Variants in CCDC6 observed in about 807,000 individuals in gnomAD.
CCDC6 encodes coiled-coil domain containing 6.
CCDC6 carries 20 observed loss-of-function variants against 56.6 expected under a neutral mutation model. The ratio of observed to expected loss-of-function variants is 0.35; its 90% confidence interval spans 0.25 to 0.51. The LOEUF (loss-of-function observed/expected upper bound fraction) is 0.51. Ranked by LOEUF, CCDC6 falls within the 20% of genes least tolerant of loss-of-function variation. The pLI is 0.95. For synonymous variants in CCDC6, 241 were observed against 234.4 expected (o/e 1.03, Z -0.26); for missense variants, 367 against 601.1 (o/e 0.61, Z 4.07).
intron 3 of CCDC6, among the ~76,000 whole-genome samples, chr10:59,827,278 C>A (rs1366690631): frequency 6.6e-6 from 1 of 152,112 alleles, no homozygotes; most frequent in South Asian, 2.1e-4. Context: ...ATTTTAATAA[C>A]AATGAAATAT....
intron 1 of CCDC6, among the ~76,000 whole-genome samples, chr10:59,887,615 C>T (rs2071392602): frequency 6.6e-6 from 1 of 151,936 alleles, no homozygotes; most frequent in Non-Finnish European, 1.5e-5. Context: ...GATGTCCTTC[C>T]TAGTCAAAAA....
chr10:59,819,545 G>A (rs1009331782), intron 3 of CCDC6, among the ~76,000 whole-genome samples: 3 of 152,020 alleles, frequency 2.0e-5, no homozygotes, highest in South Asian at 2.1e-4. Context: ...TAACAGTTCC[G>A]CCAATTAAAA....
rs533735562 is a variant in CCDC6, at chr10:59,804,693, G to GCTGTTTGACAAACCTCACTC, written c.1005-193_1005-174dup. 3.2e-5 allele frequency: 18 copies of GCTGTTTGACAAACCTCACTC among 559,628 alleles called. 1 individual carries two copies. The highest frequency in any genetic ancestry group is 2.7e-4 in the African/African-American group (14 of 52,796). 34.7% of individuals were successfully genotyped at this position (559,628 alleles called of 1,614,324 possible). ...ATGGACTCCTGAGTCACACCGCTCT[G>GCTGTTTGACAAACCTCACTC]CTGTTTGACAAACCTCACTCCAAGG... On this transcript the variant is annotated intron_variant, in intron 6 of 8. Transcript: ENST00000263102.
intron 1 of CCDC6, among the ~76,000 whole-genome samples, chr10:59,865,160 C>T (rs748532622): frequency 5.9e-5 from 9 of 152,184 alleles, no homozygotes; most frequent in Admixed American, 2.6e-4. Flanking sequence ...ACCTGACACC[C>T]GAGGTTTCCA....
Position 59,849,920 on chromosome 10 carries a change from G to A in CCDC6, c.453+2633C>T, listed in dbSNP as rs72809586. The stretch of plus-strand genomic sequence containing the variant: ...GTGGGCATTCAACAAAAGACTGGTT[G>A]AACCTATTAAGGAAATACATATTGG... On this transcript the variant is annotated intron_variant, in intron 2 of 8. Transcript: ENST00000263102. 6.4e-3 allele frequency among the ~76,000 whole-genome samples: 977 copies of A among 152,332 alleles called. 5 individuals carry two copies. Among genetic ancestry groups the A allele is most frequent in the Admixed American group, 0.011 (168 of 15,300 alleles).
intron 3 of CCDC6, among the ~76,000 whole-genome samples, chr10:59,829,047 C>G (rs772744850): frequency 1.7e-4 from 26 of 152,186 alleles, no homozygotes; most frequent in Non-Finnish European, 3.5e-4. Context: ...AGATTCAAGG[C>G]CTATGAAAAG....
At chr10:59,882,520 AGG>A (rs1250764801) in intron 1 of CCDC6, among the ~76,000 whole-genome samples, 237 of 4,490 alleles carry the variant, frequency 0.053, 10 homozygotes, top group Middle Eastern at 0.25. Flanking sequence ...AAGGAAAGCC[AGG>A]GGGAGAAGGA....
At chr10:59,876,295 C>T (rs951776341) in intron 1 of CCDC6, among the ~76,000 whole-genome samples, 15 of 151,868 alleles carry the variant, frequency 9.9e-5, no homozygotes, top group Non-Finnish European at 1.8e-4. Context: ...GCGATCCACC[C>T]GCCTTGGCCT....
chr10:59,874,085 T>C (rs1481644327), intron 1 of CCDC6, among the ~76,000 whole-genome samples: 1 of 150,504 alleles, frequency 6.6e-6, no homozygotes, highest in African/African-American at 2.5e-5. Flanking sequence ...GTCCGAAGCG[T>C]AGACATTCAT....
intron 1 of CCDC6, among the ~76,000 whole-genome samples, chr10:59,863,561 G>A (rs1270955181): frequency 6.6e-6 from 1 of 152,120 alleles, no homozygotes; most frequent in Admixed American, 6.5e-5. Flanking sequence ...GCAGGGAAGG[G>A]TGGGTGGTGG....
At position 59,906,299 on chromosome 10, in the gene CCDC6, GCCGCCGCCTCCCCCGCCGCCA is replaced by G; in HGVS notation, c.105_125del (p.Gly38_Gly44del). The G allele has an allele frequency of 2.5e-6, 4 of 1,602,788 alleles. No individual in the cohort carries two copies. Among genetic ancestry groups the G allele is most frequent in the South Asian group, 1.1e-5 (1 of 90,930 alleles). ...TGACAATGCCCCCCGACTTCCCACC[GCCGCCGCCTCCCCCGCCGCCA>G]CCGCCGCCGCCCGAGGTCGACGAGC... On this transcript the variant is annotated inframe_deletion, in exon 1 of 9. Transcript: ENST00000263102.
At chr10:59,812,909 T>A in intron 4 of CCDC6, 114 bp from the exon 5 acceptor site, 1 of 701,128 alleles carries the variant, frequency 1.4e-6, no homozygotes, top group Non-Finnish European at 2.4e-6. Flanking sequence ...CTGCCAGAAT[T>A]CACAGGGTTG....
At position 59,840,695 on chromosome 10, in the gene CCDC6, C is replaced by A. The variant is rs569433173; in HGVS notation, c.454-8042G>T. On this transcript the variant is annotated intron_variant, in intron 2 of 8. Transcript: ENST00000263102. ...ACTCCAAACATACTCCACTTGCTGT[C>A]TTTTCCATCTTAAATGATGGTAACT... Among the ~76,000 whole-genome samples the A allele has an allele frequency of 2.0e-5, 3 of 152,318 alleles. No homozygotes were observed. The South Asian group carries it at 6.2e-4, about 32-fold the overall frequency.
At position 59,797,683 on chromosome 10, in the gene CCDC6, T is replaced by TTGTGTGTG. The variant is rs72280811; in HGVS notation, c.1106-3094_1106-3087dup. ...GTGAGAGAGAGAGAGAGTGAGAGTG[T>TTGTGTGTG]TGTGTGTGTGTGTGTGTGTGTGTGT... On this transcript the variant is annotated intron_variant, in intron 7 of 8. Coordinates refer to ENST00000263102, the MANE Select transcript of CCDC6 (RefSeq NM_005436.5). 1.1e-3 allele frequency among the ~76,000 whole-genome samples: 161 copies of TTGTGTGTG among 140,618 alleles called. 1 individual carries two copies. The highest frequency in any genetic ancestry group is 7.0e-3 in the Middle Eastern group (2 of 284). 92.3% of individuals were successfully genotyped at this position (140,618 alleles called of 152,430 possible).
At chr10:59,876,097 C>T (rs532712636) in intron 1 of CCDC6, among the ~76,000 whole-genome samples, 2 of 11,876 alleles carry the variant, frequency 1.7e-4, no homozygotes, top group South Asian at 2.4e-3. Context: ...TTTTTCAGAT[C>T]GAGTCTCGTT....
At chr10:59,817,485 TTA>T (rs770984818) in intron 3 of CCDC6, among the ~76,000 whole-genome samples, 19 of 152,288 alleles carry the variant, frequency 1.2e-4, no homozygotes, top group South Asian at 2.1e-4. Flanking sequence ...AGCCTCAGAA[TTA>T]TGTTTATTTA....
intron 3 of CCDC6, among the ~76,000 whole-genome samples, chr10:59,815,102 C>A (rs1370910362): frequency 6.6e-6 from 1 of 152,044 alleles, no homozygotes; most frequent in African/African-American, 2.4e-5. Context: ...CAGTTCTGGG[C>A]TTACAGTTAT....
At chr10:59,882,338 C>CGGGAGAAGGAAAGGAAAGCCGGG (rs2071345988) in intron 1 of CCDC6, among the ~76,000 whole-genome samples, 4 of 11,928 alleles carry the variant, frequency 3.4e-4, no homozygotes, top group East Asian at 2.8e-3. Flanking sequence ...GGAAAGCCGG[C>CGGGAGAAGGAAAGGAAAGCCGGG]GGGAGAAGGA....
rs2070470629 is a variant in CCDC6 at position 59,791,847 on chromosome 10, T to A, written c.*1070A>T. On this transcript the variant is annotated 3_prime_UTR_variant, in exon 9 of 9. Transcript: ENST00000263102. ...CTTTGTACACTGCACTTGCTTATAC[T>A]GGGTGAAATGAACAGCCATCAATGC... The A allele has an allele frequency of 4.6e-6, 1 of 218,768 alleles. No individual in the cohort carries two copies. The highest frequency in any genetic ancestry group is 9.2e-6 in the Non-Finnish European group (1 of 108,836). The allele number at this position is 218,768 out of a possible 1,614,324, so 13.6% of individuals were successfully genotyped here. A position where few individuals can be genotyped will look rare whatever the true frequency, so the allele number is the denominator to read the frequency against.
Sources: gnomAD v4.1 joint callset for allele counts (sites outside exome capture counted in the v4.1 genomes callset) on GRCh38, gnomAD v4.1.1 for gene constraint, MANE v1.5 for transcripts, NCBI Gene and HGNC (gene_info 2026-07-23, HGNC 2026-07-21) for gene names.